CSMD2: variants seen among roughly 807,000 people sequenced by gnomAD.
The protein encoded by CSMD2 is CUB and sushi domain-containing protein 2.
Under a neutral mutation model 398.5 loss-of-function variants are expected in CSMD2, and 130 were observed. That is an observed-to-expected ratio of 0.33 (90% CI 0.28 to 0.38). CSMD2 has a LOEUF of 0.38. Among genes scored for constraint, CSMD2 ranks in the 10% least tolerant of loss-of-function variants. CSMD2 has a pLI of 1.00. For missense variants in CSMD2, 3,829 were observed against 4,764.9 expected (o/e 0.80, Z 5.78); for synonymous variants, 1,828 against 1,908.5 (o/e 0.96, Z 1.10).
At chr1:33,659,819 C>G (rs1010018476) in intron 26 of CSMD2, among the ~76,000 whole-genome samples, 3 of 152,212 alleles carry the variant, frequency 2.0e-5, no homozygotes, top group African/African-American at 4.8e-5. Context: ...AGGAAGCATA[C>G]AGCAAACTAT....
intron 9 of CSMD2, among the ~76,000 whole-genome samples, chr1:33,813,529 C>T (rs1481668222): frequency 6.6e-6 from 1 of 152,144 alleles, no homozygotes; most frequent in Non-Finnish European, 1.5e-5. Flanking sequence ...CCCTGAAATG[C>T]TCTTCTGGAT....
intron 3 of CSMD2, among the ~76,000 whole-genome samples, chr1:33,970,118 A>G (rs1645704992): frequency 6.6e-6 from 1 of 151,722 alleles, no homozygotes; most frequent in Admixed American, 6.6e-5. Flanking sequence ...AAAAAAAAAA[A>G]AAAGAAAAGA....
intron 22 of CSMD2, among the ~76,000 whole-genome samples, 172 bp downstream of exon 22, chr1:33,708,917 C>T (rs901068986): frequency 1.3e-5 from 2 of 152,022 alleles, no homozygotes; most frequent in South Asian, 4.2e-4. Flanking sequence ...TCTTAGATAC[C>T]CATATACCCC....
intron 25 of CSMD2, among the ~76,000 whole-genome samples, chr1:33,673,542 A>G (rs918232053): frequency 1.3e-5 from 2 of 152,260 alleles, no homozygotes; most frequent in African/African-American, 4.8e-5. Context: ...ACTCTGCAGG[A>G]TATGATCCAG....
chr1:33,924,833 TGTC>T (rs1442230552), intron 4 of CSMD2, among the ~76,000 whole-genome samples: 1 of 152,216 alleles, frequency 6.6e-6, no homozygotes, highest in East Asian at 1.9e-4. Flanking sequence ...GCCATTTTAA[TGTC>T]TTCTTTTGAA....
At chr1:33,930,734 G>C (rs1166577278) in intron 4 of CSMD2, among the ~76,000 whole-genome samples, 2 of 152,206 alleles carry the variant, frequency 1.3e-5, no homozygotes, top group Non-Finnish European at 2.9e-5. Context: ...GCACCTCCCA[G>C]GGACCTCTGC....
At position 33,724,501 on chromosome 1, in the gene CSMD2, C is replaced by T; in HGVS notation, c.2884+15G>A. 1.2e-6 allele frequency: 2 copies of T among 1,610,710 alleles called. No homozygotes were observed. Among genetic ancestry groups the T allele is most frequent in the South Asian group, 2.2e-5 (2 of 90,536 alleles). On this transcript the variant is annotated intron_variant, in intron 18 of 70. Coordinates refer to ENST00000373381, the MANE Select transcript of CSMD2 (RefSeq NM_001281956.2). Reference sequence around the variant, plus strand: ...GGAGTCTGCTACTTTAGCGCCCCCTCATGGTGTCCCTCACCTTCACAACTG... The same window carrying T: ...GGAGTCTGCTACTTTAGCGCCCCCTTATGGTGTCCCTCACCTTCACAACTG...
At chr1:33,617,053 G>T (rs1641439244) in intron 38 of CSMD2, 78 bp from the exon 39 acceptor site, 3 of 1,130,446 alleles carry the variant, frequency 2.7e-6, no homozygotes, top group Non-Finnish European at 4.0e-6. Flanking sequence ...CTGTACAGGG[G>T]TCTGGTTCAG....
At chr1:33,688,729 C>G (rs1055771630) in intron 25 of CSMD2, among the ~76,000 whole-genome samples, 3 of 152,056 alleles carry the variant, frequency 2.0e-5, no homozygotes, top group African/African-American at 7.2e-5. Flanking sequence ...GGCATGAGAA[C>G]TGCTTGAACC....
At chr1:34,010,903 G>GCA (rs1647258827) in intron 3 of CSMD2, among the ~76,000 whole-genome samples, 1 of 152,224 alleles carries the variant, frequency 6.6e-6, no homozygotes, top group Non-Finnish European at 1.5e-5. Context: ...GGGATTAGAG[G>GCA]CATGAGCCAC....
intron 5 of CSMD2, among the ~76,000 whole-genome samples, chr1:33,888,937 T>C (rs1641793703): frequency 6.6e-6 from 1 of 151,998 alleles, no homozygotes. Flanking sequence ...CCGGCTAATT[T>C]TGTTTTGTAT....
At position 33,883,197 on chromosome 1, in the gene CSMD2, A is replaced by C. The variant is rs200705383; in HGVS notation, c.920+34897T>G. Among the ~76,000 whole-genome samples, 39 of 152,344 alleles carry C rather than the reference A, an allele frequency of 2.6e-4. No individual in the cohort carries two copies. The East Asian group carries it at 6.4e-3, about 25-fold the overall frequency. On this transcript the variant is annotated intron_variant, in intron 5 of 70. Coordinates refer to ENST00000373381, the MANE Select transcript of CSMD2 (RefSeq NM_001281956.2). ...CCATAGAATGGACATTTAGCTACCCAAAAACAGGGGCCATTTTCCTCTCAG... is the reference window on the plus strand; with the variant it reads ...CCATAGAATGGACATTTAGCTACCCCAAAACAGGGGCCATTTTCCTCTCAG...
intron 7 of CSMD2, among the ~76,000 whole-genome samples, chr1:33,824,911 G>C (rs1046521456): frequency 2.0e-5 from 3 of 152,102 alleles, no homozygotes; most frequent in Non-Finnish European, 4.4e-5. Flanking sequence ...CAGAAGGAAA[G>C]TGGAAGGTTT....
chr1:33,679,199 G>GTTTTT (rs58284803), intron 25 of CSMD2, among the ~76,000 whole-genome samples: 1 of 84,216 alleles, frequency 1.2e-5, no homozygotes. Context: ...AATTGCAGTT[G>GTTTTT]TTTTTTTTTT....
chr1:33,640,065 A>G (rs899826331), intron 29 of CSMD2, among the ~76,000 whole-genome samples: 1 of 152,220 alleles, frequency 6.6e-6, no homozygotes, highest in African/African-American at 2.4e-5. Flanking sequence ...TCAGCTGTGA[A>G]TGATAACACT....
At chr1:33,556,519 C>T (rs937542204) in intron 55 of CSMD2, among the ~76,000 whole-genome samples, 1 of 152,158 alleles carries the variant, frequency 6.6e-6, no homozygotes, top group African/African-American at 2.4e-5. Flanking sequence ...ACCTTTGCTT[C>T]TTGGAAGATG....
chr1:33,876,251 G>A (rs775039684), intron 5 of CSMD2, among the ~76,000 whole-genome samples: 10 of 152,160 alleles, frequency 6.6e-5, no homozygotes, highest in African/African-American at 1.7e-4. Flanking sequence ...TTGTAATTAC[G>A]GGAAGCCAGC....
chr1:34,051,329 G>C (rs10914856), intron 2 of CSMD2, among the ~76,000 whole-genome samples: 28,987 of 152,106 alleles, frequency 0.19, 3,148 homozygotes, highest in Middle Eastern at 0.27. Flanking sequence ...GGTAGTGAAA[G>C]AGTTAGTTAT....
At chr1:33,680,053 T>C (rs1644853666) in intron 25 of CSMD2, among the ~76,000 whole-genome samples, 1 of 151,850 alleles carries the variant, frequency 6.6e-6, no homozygotes, top group African/African-American at 2.4e-5. Context: ...CCCGAGTAGC[T>C]GGGGCTACAG....
Sources: allele counts gnomAD v4.1 joint callset (sites outside exome capture counted in the v4.1 genomes callset), GRCh38; gene constraint gnomAD v4.1.1; transcripts MANE v1.5; gene names NCBI Gene and HGNC (gene_info 2026-07-23, HGNC 2026-07-21).